Variants in TOMM20L observed in about 807,000 individuals in gnomAD.
TOMM20L encodes the protein TOMM20-like protein 1.
TOMM20L carries 19 observed loss-of-function variants against 20.4 expected under a neutral mutation model. That is an observed-to-expected ratio of 0.93 (90% confidence interval 0.65 to 1.36). The LOEUF is 1.36. TOMM20L is among the 40% of genes most tolerant of loss of function. The probability of loss-of-function intolerance (pLI) is 0.00; values close to 1 mark genes in which losing one functional copy is unlikely to be tolerated. For synonymous variants in TOMM20L, 75 were observed against 79.6 expected (o/e 0.94, Z 0.30); for missense variants, 218 against 203.7 (o/e 1.07, Z -0.43).
At chr14:58,401,721 C>G (rs1367692789) in intron 2 of TOMM20L, among the ~76,000 whole-genome samples, 5 of 152,184 alleles carry the variant, frequency 3.3e-5, no homozygotes, top group Non-Finnish European at 7.3e-5. Flanking sequence ...AGGCTTTGCA[C>G]AGTGTACCTT....
downstream of TOMM20L, chr14:58,412,079 T>C (rs548048621): frequency 4.8e-5 from 36 of 756,524 alleles, no homozygotes; most frequent in African/African-American, 5.8e-4. Context: ...GTGTATGTAA[T>C]TGTATGCCAC....
chr14:58,398,347 T>C (rs906254382), intron 2 of TOMM20L, among the ~76,000 whole-genome samples: 8 of 152,192 alleles, frequency 5.3e-5, no homozygotes, highest in Non-Finnish European at 1.2e-4. Flanking sequence ...TTGTTGTTCA[T>C]TGTAGGCAGA....
downstream of TOMM20L, chr14:58,411,949 C>T: frequency 6.2e-7 from 1 of 1,613,488 alleles, no homozygotes; most frequent in South Asian, 1.1e-5. Flanking sequence ...CAGCCATATT[C>T]TTCTGGTACC....
chr14:58,415,941 C>T, the TOMM20L span, among the ~76,000 whole-genome samples: 111 of 152,068 alleles, frequency 7.3e-4, 1 homozygote, highest in African/African-American at 2.4e-3. Flanking sequence ...CAAGGCTGAG[C>T]GCAGTGCCTC....
downstream of TOMM20L, chr14:58,409,038 C>A (rs370797955): frequency 1.9e-6 from 3 of 1,611,830 alleles, no homozygotes; most frequent in East Asian, 6.7e-5. Context: ...ACTTCTCTAT[C>A]GTGGTTGGCC....
At chr14:58,412,260 G>A (rs552752888), downstream of TOMM20L, 80 of 298,624 alleles carry the variant, frequency 2.7e-4, 1 homozygote, top group South Asian at 3.0e-3. Context: ...TCCTGCCTCA[G>A]CCTCCTGAGT....
At position 58,395,951 on chromosome 14, in the gene TOMM20L, C is replaced by T. The variant is rs546389507; in HGVS notation, c.-7C>T. The T allele has an allele frequency of 1.4e-6, 2 of 1,391,904 alleles. No homozygotes were observed. The highest frequency in any genetic ancestry group is 1.9e-6 in the Non-Finnish European group (2 of 1,067,170). 86.2% of individuals were successfully genotyped at this position (1,391,904 alleles called of 1,614,324 possible). On this transcript the variant is annotated 5_prime_UTR_variant, in exon 1 of 5. Transcript: ENST00000360945. ...CAACGCTCGGCTTGTGGGACGCCCG[C>T]GGTCGGATGCCCTCCGTCCGCTCCC...
At chr14:58,413,867 C>T in the TOMM20L span, among the ~76,000 whole-genome samples, 5 of 151,392 alleles carry the variant, frequency 3.3e-5, no homozygotes, top group Admixed American at 6.6e-5. Context: ...ATTAGCTGGG[C>T]GTGGTGGTGG....
intron 2 of TOMM20L, among the ~76,000 whole-genome samples, chr14:58,401,864 T>C (rs2035997611): frequency 2.0e-5 from 3 of 152,174 alleles, no homozygotes; most frequent in Non-Finnish European, 4.4e-5. Context: ...ACCAGGTCCT[T>C]TGTCCCTTTC....
intron 3 of TOMM20L, among the ~76,000 whole-genome samples, chr14:58,406,836 T>C (rs1779267485): frequency 6.6e-6 from 1 of 152,212 alleles, no homozygotes; most frequent in Admixed American, 6.5e-5. Flanking sequence ...AAATCTCTTA[T>C]TTTTTTCCCT....
intron 3 of TOMM20L, among the ~76,000 whole-genome samples, 193 bp downstream of exon 3, chr14:58,402,954 A>T (rs1315573370): frequency 6.6e-6 from 1 of 152,262 alleles, no homozygotes; most frequent in Non-Finnish European, 1.5e-5. Flanking sequence ...CTCAAGTCGT[A>T]GACTTGGAAG....
rs1491246989 is a variant in TOMM20L at position 58,404,099 on chromosome 14, G to GTA, written c.262+1358_262+1359dup. Reference sequence around the variant, plus strand: ...GTACAATGTATATATACATATATATGTATATATATATATATATATATTTTT... The same window carrying GTA: ...GTACAATGTATATATACATATATATGTATATATATATATATATATATATTTTT... On this transcript the variant is annotated intron_variant, in intron 3 of 4. Transcript: ENST00000360945. 1.4e-3 allele frequency among the ~76,000 whole-genome samples: 33 copies of GTA among 22,948 alleles called. 2 individuals carry two copies. The highest frequency in any genetic ancestry group is 4.2e-3 in the African/African-American group (32 of 7,562). 15.1% of individuals were successfully genotyped at this position (22,948 alleles called of 152,430 possible). A position where few individuals can be genotyped will look rare whatever the true frequency, so the allele number is the denominator to read the frequency against.
intron 2 of TOMM20L, chr14:58,398,881 T>C (rs902415635): frequency 6.6e-6 from 1 of 151,996 alleles, no homozygotes; most frequent in Non-Finnish European, 1.5e-5. Flanking sequence ...TTGTCACAAC[T>C]CTATTCTAAT....
intron 4 of TOMM20L, 97 bp downstream of exon 4, chr14:58,407,565 C>A: frequency 7.5e-7 from 1 of 1,332,932 alleles, no homozygotes; most frequent in Non-Finnish European, 1.0e-6. Context: ...TGTGAATTGC[C>A]CAAAATCTTA....
chr14:58,415,146 T>TC, the TOMM20L span, among the ~76,000 whole-genome samples: 1 of 152,078 alleles, frequency 6.6e-6, no homozygotes, highest in South Asian at 2.1e-4. Flanking sequence ...GCCCCTCCCT[T>TC]CAAGTGTCAG....
At chr14:58,397,369 C>T (rs994981284) in intron 2 of TOMM20L, among the ~76,000 whole-genome samples, 2 of 152,208 alleles carry the variant, frequency 1.3e-5, no homozygotes, top group Non-Finnish European at 2.9e-5. Flanking sequence ...GGTACCACTT[C>T]TGGCAACATT....
chr14:58,401,569 CAA>C (rs538892715), intron 2 of TOMM20L, among the ~76,000 whole-genome samples: 15 of 83,834 alleles, frequency 1.8e-4, no homozygotes, highest in Admixed American at 5.6e-4. Context: ...GACTCTGTCT[CAA>C]AAAAAAAAAA....
At chr14:58,404,021 CTTAAT>C (rs779881463) in intron 3 of TOMM20L, among the ~76,000 whole-genome samples, 180 of 130,820 alleles carry the variant, frequency 1.4e-3, no homozygotes, top group Non-Finnish European at 2.2e-3. Context: ...CTTGAGGTTT[CTTAAT>C]TTAAGAAGTA....
intron 2 of TOMM20L, among the ~76,000 whole-genome samples, chr14:58,397,540 A>C (rs1306089068): frequency 6.6e-6 from 1 of 152,202 alleles, no homozygotes; most frequent in Non-Finnish European, 1.5e-5. Context: ...CATTGAACTG[A>C]GCCTGGAAGG....
Sources: allele counts gnomAD v4.1 joint callset (sites outside exome capture counted in the v4.1 genomes callset), GRCh38; gene constraint gnomAD v4.1.1; transcripts MANE v1.5; gene names NCBI Gene and HGNC (gene_info 2026-07-23, HGNC 2026-07-21).